Variants in MCTP1 observed in about 807,000 individuals in gnomAD.
MCTP1 encodes multiple C2 and transmembrane domain containing 1, also known as multiple C2 and transmembrane domain-containing protein 1.
MCTP1 carries 69 observed loss-of-function variants against 120.6 expected under a neutral mutation model. That is an observed-to-expected ratio of 0.57 (90% CI 0.47 to 0.70). The LOEUF is 0.70. Ranked by LOEUF, MCTP1 falls within the 30% of genes least tolerant of loss-of-function variation. The probability of loss-of-function intolerance (pLI) is 0.00; values close to 1 mark genes in which losing one functional copy is unlikely to be tolerated. For synonymous variants in MCTP1, 529 were observed against 493.1 expected (o/e 1.07, Z -0.96); for missense variants, 1,203 against 1,248.8 (o/e 0.96, Z 0.55).
chr5:94,963,402 G>A (rs1317425885), intron 2 of MCTP1, among the ~76,000 whole-genome samples: 6 of 142,008 alleles, frequency 4.2e-5, no homozygotes. Context: ...CTTAATGGCT[G>A]CACCAATTTA....
chr5:94,740,656 G>A (rs1765312856), intron 19 of MCTP1, among the ~76,000 whole-genome samples: 2 of 152,278 alleles, frequency 1.3e-5, no homozygotes, highest in South Asian at 2.1e-4. Flanking sequence ...AGTACGTAGA[G>A]CTTCATTGTG....
chr5:95,067,920 T>G (rs1751098535), intron 1 of MCTP1, among the ~76,000 whole-genome samples: 1 of 152,212 alleles, frequency 6.6e-6, no homozygotes, highest in Non-Finnish European at 1.5e-5. Context: ...TTTGTACTTT[T>G]CATCAACATC....
At chr5:95,278,301 A>G (rs1239057898) in intron 1 of MCTP1, among the ~76,000 whole-genome samples, 1 of 152,232 alleles carries the variant, frequency 6.6e-6, no homozygotes, top group Non-Finnish European at 1.5e-5. Context: ...AATGGTGCCG[A>G]CAAATCAAAA....
chr5:94,814,412 G>C (rs1784072265), intron 17 of MCTP1, among the ~76,000 whole-genome samples: 1 of 152,022 alleles, frequency 6.6e-6, no homozygotes, highest in Non-Finnish European at 1.5e-5. Context: ...ATGATTCTTT[G>C]GACAGTTGGT....
chr5:94,922,145 A>G (rs1309452786), intron 7 of MCTP1, among the ~76,000 whole-genome samples: 1 of 152,224 alleles, frequency 6.6e-6, no homozygotes, highest in Non-Finnish European at 1.5e-5. Context: ...AGAAGACATT[A>G]CCATCACACC....
chr5:95,205,228 A>C (rs988069021), intron 1 of MCTP1, among the ~76,000 whole-genome samples: 6 of 152,148 alleles, frequency 3.9e-5, no homozygotes, highest in African/African-American at 1.4e-4. Context: ...GTGCCAAGAA[A>C]ATAAAATGGG....
intron 17 of MCTP1, among the ~76,000 whole-genome samples, chr5:94,820,309 T>C (rs1335043469): frequency 6.6e-6 from 1 of 152,202 alleles, no homozygotes; most frequent in East Asian, 1.9e-4. Flanking sequence ...AGTTAACCAC[T>C]CTGAACAGGA....
intron 19 of MCTP1, among the ~76,000 whole-genome samples, chr5:94,752,996 A>G (rs2152811563): frequency 6.6e-6 from 1 of 152,338 alleles, no homozygotes; most frequent in Non-Finnish European, 1.5e-5. Flanking sequence ...AGCTGCAAAT[A>G]TTTTGATTAG....
At chr5:95,207,341 G>A (rs1751745253) in intron 1 of MCTP1, among the ~76,000 whole-genome samples, 1 of 152,114 alleles carries the variant, frequency 6.6e-6, no homozygotes, top group South Asian at 2.1e-4. Flanking sequence ...CCTGCAAGTT[G>A]AAATATATAT....
intron 1 of MCTP1, among the ~76,000 whole-genome samples, chr5:95,060,598 C>T (rs1268975375): frequency 6.6e-6 from 1 of 152,130 alleles, no homozygotes; most frequent in African/African-American, 2.4e-5. Flanking sequence ...AAATTATCAT[C>T]GTCTGTTGCT....
chr5:95,237,123 C>G (rs976880355), intron 1 of MCTP1, among the ~76,000 whole-genome samples: 2 of 152,138 alleles, frequency 1.3e-5, no homozygotes, highest in Non-Finnish European at 1.5e-5. Flanking sequence ...CAGAAATCCC[C>G]CACATCCTCT....
intron 10 of MCTP1, among the ~76,000 whole-genome samples, chr5:94,906,645 T>C (rs954710357): frequency 5.3e-5 from 8 of 152,198 alleles, no homozygotes; most frequent in African/African-American, 1.9e-4. Flanking sequence ...ATTTACAAAA[T>C]ATATTTTAAA....
intron 17 of MCTP1, chr5:94,867,021 CT>C: frequency 4.3e-6 from 1 of 233,724 alleles, no homozygotes; most frequent in Non-Finnish European, 8.0e-6. Context: ...TTTTTTGCAT[CT>C]GTTATATGAC....
At chr5:95,213,527 T>C (rs185007730) in intron 1 of MCTP1, among the ~76,000 whole-genome samples, 202 of 152,054 alleles carry the variant, frequency 1.3e-3, no homozygotes, top group African/African-American at 4.6e-3. Context: ...AAAGTTCATA[T>C]GGAAACAAAA....
intron 17 of MCTP1, among the ~76,000 whole-genome samples, chr5:94,847,646 C>CTGTGTGTGTG (rs70978134): frequency 1.3e-4 from 15 of 115,712 alleles, no homozygotes; most frequent in Admixed American, 1.8e-4. Flanking sequence ...AAGCAGCAAT[C>CTGTGTGTGTG]TGTGTGTGTG....
chr5:94,745,200 T>G (rs1766589277), intron 19 of MCTP1, among the ~76,000 whole-genome samples: 1 of 152,200 alleles, frequency 6.6e-6, no homozygotes, highest in Non-Finnish European at 1.5e-5. Context: ...AATGCCTTTC[T>G]GTCTATAACC....
rs1050524615 is a variant in MCTP1 at position 94,988,574 on chromosome 5, G to A, written c.838+28793C>T. On this transcript the variant is annotated intron_variant, in intron 2 of 22. Coordinates refer to ENST00000515393, the MANE Select transcript of MCTP1 (RefSeq NM_024717.7). ...GAAGTAGGTTTTCGAAAACAACTTG[G>A]CATTTAATAATTCCCTGTGTGTGTT... 2.0e-5 allele frequency among the ~76,000 whole-genome samples: 3 copies of A among 149,672 alleles called. No homozygotes were observed. In the East Asian group the frequency reaches 5.8e-4, roughly 29 times the overall value.
intron 1 of MCTP1, among the ~76,000 whole-genome samples, chr5:95,219,223 A>C (rs528701674): frequency 6.6e-6 from 1 of 152,010 alleles, no homozygotes; most frequent in Admixed American, 6.6e-5. Context: ...CTACTAAAAA[A>C]TACAAAAAAT....
At chr5:94,795,106 G>A (rs76406639) in intron 18 of MCTP1, among the ~76,000 whole-genome samples, 4,205 of 152,238 alleles carry the variant, frequency 0.028, 66 homozygotes, top group Non-Finnish European at 0.031. Context: ...TACTTACAGG[G>A]TGTGCAATAG....
Sources: allele counts gnomAD v4.1 joint callset (sites outside exome capture counted in the v4.1 genomes callset), GRCh38; gene constraint gnomAD v4.1.1; transcripts MANE v1.5; gene names NCBI Gene and HGNC (gene_info 2026-07-23, HGNC 2026-07-21).